Variants in PDE9A observed in about 807,000 individuals in gnomAD.
The protein encoded by PDE9A is high affinity cGMP-specific 3',5'-cyclic phosphodiesterase 9A.
A neutral mutation model predicts 87.4 loss-of-function variants in PDE9A; 60 were observed. That is an observed-to-expected ratio of 0.69 (90% CI 0.56 to 0.85). The LOEUF is 0.85. PDE9A is among the 40% of genes least tolerant of loss of function. The pLI is 0.00. For missense variants in PDE9A, 665 were observed against 779.0 expected, an observed-to-expected ratio of 0.85 and a Z score of 1.74; for synonymous variants, 272 against 279.4, an observed-to-expected ratio of 0.97 and a Z score of 0.27.
intron 8 of PDE9A, among the ~76,000 whole-genome samples, chr21:42,747,678 G>A (rs2054009313): frequency 6.6e-6 from 1 of 152,238 alleles, no homozygotes; most frequent in Non-Finnish European, 1.5e-5. Flanking sequence ...GGCAGGGGCA[G>A]GGGCAGGTCT....
chr21:42,754,123 G>A (rs1027521162), intron 10 of PDE9A, 59 bp downstream of exon 10: 28 of 994,052 alleles, frequency 2.8e-5, no homozygotes, highest in South Asian at 1.3e-5. Context: ...GATCTTGGAC[G>A]CCAGTGGGAC....
chr21:42,740,427 G>C (rs1028200983), intron 7 of PDE9A, among the ~76,000 whole-genome samples: 1 of 146,340 alleles, frequency 6.8e-6, no homozygotes, highest in Non-Finnish European at 1.5e-5. Flanking sequence ...CTGGGTGACA[G>C]GGCAAGCCCC....
intron 9 of PDE9A, 41 bp downstream of exon 9, chr21:42,751,238 CCCCAGCCCCACG>C (rs1460754519): frequency 7.2e-7 from 1 of 1,390,806 alleles, no homozygotes; most frequent in Non-Finnish European, 1.0e-6. Flanking sequence ...GCAGCTGTGT[CCCCAGCCCCACG>C]CCCAGCCCTG....
rs926580293 is a variant in PDE9A at position 42,727,480 on chromosome 21, C to T, written c.263-4290C>T. Among the ~76,000 whole-genome samples the T allele has an allele frequency of 4.9e-5, 7 of 142,420 alleles. No individual in the cohort carries two copies. The South Asian group carries it at 9.1e-4, about 19-fold the overall frequency. 93.4% of individuals were successfully genotyped at this position (142,420 alleles called of 152,430 possible). A position where few individuals can be genotyped will look rare whatever the true frequency, so the allele number is the denominator to read the frequency against. On this transcript the variant is annotated intron_variant, in intron 4 of 19. Coordinates refer to ENST00000291539, the MANE Select transcript of PDE9A (RefSeq NM_002606.3). ...CTGGAACCACAGGCACATGCCACCA[C>T]GCCTGGCTATTTTTTTTTTTTTTTT...
At chr21:42,757,175 C>T (rs1489146760) in intron 10 of PDE9A, 1 of 152,428 alleles carries the variant, frequency 6.6e-6, no homozygotes, top group Non-Finnish European at 1.5e-5. Flanking sequence ...CTCCAAAAGC[C>T]AGTGCAGTGC....
chr21:42,711,703 T>A (rs1352628325), intron 4 of PDE9A, among the ~76,000 whole-genome samples: 1 of 152,202 alleles, frequency 6.6e-6, no homozygotes, highest in Non-Finnish European at 1.5e-5. Context: ...AGATGTTATG[T>A]TTTAATCTGT....
intron 4 of PDE9A, among the ~76,000 whole-genome samples, chr21:42,708,517 CA>C (rs1405922546): frequency 6.6e-6 from 1 of 152,154 alleles, no homozygotes. Context: ...CTGAAATGCA[CA>C]GATCCTGTGG....
chr21:42,722,539 C>T lies in PDE9A; in HGVS notation c.263-9231C>T, dbSNP rs566011909. Among the ~76,000 whole-genome samples, 40 of 152,288 alleles carry T rather than the reference C, an allele frequency of 2.6e-4. No individual in the cohort carries two copies. Among genetic ancestry groups the T allele is most frequent in the African/African-American group, 8.2e-4 (34 of 41,560 alleles). On this transcript the variant is annotated intron_variant, in intron 4 of 19. Transcript: ENST00000291539. This position sits in a 1 kb window ranked among gnomAD's most constrained non-coding sequence, Gnocchi z 4.1. ...TATTATTCCCTCTACTCTTGCAGGT[C>T]GGTGCTTGGGATGCTAGTGCCCAAG...
intron 4 of PDE9A, among the ~76,000 whole-genome samples, chr21:42,727,823 T>G (rs1053689813): frequency 6.6e-6 from 1 of 152,212 alleles, no homozygotes; most frequent in South Asian, 2.1e-4. Context: ...AGACAACATG[T>G]CATTGGCAAA....
intron 14 of PDE9A, among the ~76,000 whole-genome samples, chr21:42,764,594 T>G (rs1381553992): frequency 6.6e-6 from 1 of 152,250 alleles, no homozygotes; most frequent in East Asian, 1.9e-4. Flanking sequence ...GAGCAGCCGC[T>G]CTGCACAGGG....
rs1003407585 is a variant in PDE9A at position 42,739,633 on chromosome 21, A to G, written c.569-4143A>G. Among the ~76,000 whole-genome samples the G allele has an allele frequency of 2.6e-5, 4 of 152,116 alleles. No individual in the cohort carries two copies. Among genetic ancestry groups the G allele is most frequent in the Admixed American group, 6.5e-5 (1 of 15,274 alleles). ...TTGCCACAAATTCTGCATCTCTGGG[A>G]TGCAAACTAGTGAAGCTGTGCTGTG... On this transcript the variant is annotated intron_variant, in intron 7 of 19. Coordinates refer to ENST00000291539, the MANE Select transcript of PDE9A (RefSeq NM_002606.3). The surrounding 1 kb of genome is among the most constrained non-coding windows in gnomAD (Gnocchi z 4.1).
In PDE9A at chr21:42,765,659, C is replaced by T. The variant is rs548304982; in HGVS notation, c.1356+165C>T. The T allele has an allele frequency of 8.0e-5, 51 of 633,654 alleles. 1 individual carries two copies. The South Asian group carries it at 8.3e-4, about 10-fold the overall frequency. The allele number at this position is 633,654 out of a possible 1,614,324, so 39.3% of individuals were successfully genotyped here. A position where few individuals can be genotyped will look rare whatever the true frequency, so the allele number is the denominator to read the frequency against. Reference sequence around the variant, plus strand: ...GGTCATGACTCTTACTAGGAAAGTCCGGGCAGGGCCTCCCTCCTGATGGGT... The same window carrying T: ...GGTCATGACTCTTACTAGGAAAGTCTGGGCAGGGCCTCCCTCCTGATGGGT... On this transcript the variant is annotated intron_variant, in intron 15 of 19. Transcript: ENST00000291539.
Position 42,755,281 on chromosome 21 carries a change from G to A in PDE9A, c.810+1217G>A, listed in dbSNP as rs141620053. ...TGCCTCTTGGCACCCCTGAGGCCAGGCTGCTGACACCTGGGGCACTGCCCT... is the reference window on the plus strand; with the variant it reads ...TGCCTCTTGGCACCCCTGAGGCCAGACTGCTGACACCTGGGGCACTGCCCT... On this transcript the variant is annotated intron_variant, in intron 10 of 19. Coordinates refer to ENST00000291539, the MANE Select transcript of PDE9A (RefSeq NM_002606.3). Among the ~76,000 whole-genome samples the A allele has an allele frequency of 4.6e-3, 697 of 152,358 alleles. 3 individuals are homozygous for A. The highest frequency in any genetic ancestry group is 0.024 in the Middle Eastern group (7 of 294).
At chr21:42,754,330 C>T (rs748899607) in intron 10 of PDE9A, among the ~76,000 whole-genome samples, 3 of 152,260 alleles carry the variant, frequency 2.0e-5, no homozygotes, top group South Asian at 2.1e-4. Context: ...ACCCAGGGCT[C>T]CTGATGGCGC....
At chr21:42,743,547 T>C (rs538043805) in intron 7 of PDE9A, among the ~76,000 whole-genome samples, 2 of 152,332 alleles carry the variant, frequency 1.3e-5, no homozygotes, top group South Asian at 4.1e-4. Context: ...GATGCGGTAG[T>C]GCAGCGGTGG....
intron 10 of PDE9A, among the ~76,000 whole-genome samples, chr21:42,754,435 C>T (rs143602350): frequency 6.6e-6 from 1 of 152,346 alleles, no homozygotes; most frequent in Non-Finnish European, 1.5e-5. Flanking sequence ...GCAAATCTCT[C>T]CTCAAGGAAG....
intron 4 of PDE9A, among the ~76,000 whole-genome samples, chr21:42,724,961 T>C (rs1426523890): frequency 6.6e-6 from 1 of 152,228 alleles, no homozygotes; most frequent in Admixed American, 6.5e-5. Context: ...TGTCTATACA[T>C]TTCTTATTTT....
chr21:42,754,125 C>T, intron 10 of PDE9A, 61 bp downstream of exon 10: 1 of 930,478 alleles, frequency 1.1e-6, no homozygotes. Flanking sequence ...TCTTGGACGC[C>T]AGTGGGACCA....
intron 3 of PDE9A, chr21:42,689,907 G>A (rs987862509): frequency 2.4e-5 from 23 of 959,066 alleles, no homozygotes; most frequent in South Asian, 4.8e-5. Flanking sequence ...GGATACAGGC[G>A]AAGAAGATGG....
Sources: gnomAD v4.1 joint callset for allele counts (sites outside exome capture counted in the v4.1 genomes callset) on GRCh38, gnomAD v4.1.1 for gene constraint, Gnocchi (gnomAD v3.1) non-coding constraint, MANE v1.5 for transcripts, NCBI Gene and HGNC (gene_info 2026-07-23, HGNC 2026-07-21) for gene names.